The following CAST variants were observed in gnomAD, a reference collection of about 807,000 sequenced individuals.
CAST encodes calpastatin, also known as MIR583 host.
CAST carries 76 observed loss-of-function variants against 119.6 expected under a neutral mutation model. The observed-to-expected ratio is 0.64, with a 90% CI of 0.53 to 0.77. CAST has a LOEUF of 0.77. Among genes scored for constraint, CAST ranks in the 30% least tolerant of loss-of-function variants. The pLI is 0.00. For missense variants in CAST, 953 were observed against 946.5 expected (o/e 1.01, Z -0.09); for synonymous variants, 319 against 331.6 (o/e 0.96, Z 0.41).
chr5:96,443,038 T>A, the CAST span, among the ~76,000 whole-genome samples: 3 of 152,184 alleles, frequency 2.0e-5, no homozygotes, highest in Non-Finnish European at 4.4e-5. Context: ...GCTCTATTAT[T>A]ATCTCTTCAG....
At chr5:96,412,949 C>T in the CAST span, 2 of 1,025,540 alleles carry the variant, frequency 2.0e-6, no homozygotes, top group African/African-American at 3.5e-5. Flanking sequence ...TCCAAGCAGC[C>T]CTCTGGTGAT....
chr5:96,616,065 G>T (rs756690230), intron 1 of CAST, among the ~76,000 whole-genome samples: 1 of 150,094 alleles, frequency 6.7e-6, no homozygotes, highest in East Asian at 1.9e-4. Context: ...TGGCCATGCC[G>T]GCAGCTGATT....
At chr5:96,546,072 T>G (rs1423115870) in intron 1 of CAST, among the ~76,000 whole-genome samples, 1 of 152,226 alleles carries the variant, frequency 6.6e-6, no homozygotes, top group Non-Finnish European at 1.5e-5. Flanking sequence ...ATTTACTGCT[T>G]AAAGTTCTGC....
At chr5:96,068,054 G>T in the CAST span, among the ~76,000 whole-genome samples, 1 of 152,158 alleles carries the variant, frequency 6.6e-6, no homozygotes, top group Admixed American at 6.5e-5. Flanking sequence ...GTCAGGGAGA[G>T]AGTGTGAGGG....
chr5:96,505,311 G>A, the CAST span, among the ~76,000 whole-genome samples: 6 of 152,026 alleles, frequency 3.9e-5, no homozygotes, highest in African/African-American at 1.2e-4. Flanking sequence ...AGAATCATGA[G>A]CAATAAAAGT....
At chr5:96,423,491 A>C in the CAST span, 1 of 1,610,544 alleles carries the variant, frequency 6.2e-7, no homozygotes, top group Non-Finnish European at 8.5e-7. Flanking sequence ...GCATTGATAA[A>C]ATTATCATTT....
chr5:95,994,493 C>A, the CAST span, among the ~76,000 whole-genome samples: 1 of 151,728 alleles, frequency 6.6e-6, no homozygotes, highest in Non-Finnish European at 1.5e-5. Context: ...AGGATCAGTG[C>A]AAAGAGGAAA....
At chr5:96,683,789 TA>T (rs1233173724) in intron 2 of CAST, among the ~76,000 whole-genome samples, 2 of 152,252 alleles carry the variant, frequency 1.3e-5, no homozygotes, top group African/African-American at 4.8e-5. Context: ...TGCATGAATT[TA>T]AGTTCAAAGC....
the CAST span, among the ~76,000 whole-genome samples, chr5:95,997,420 G>T: frequency 6.6e-6 from 1 of 152,106 alleles, no homozygotes; most frequent in Non-Finnish European, 1.5e-5. Context: ...ATTAGATATT[G>T]ATGATGTGGA....
At chr5:96,341,777 C>T in the CAST span, among the ~76,000 whole-genome samples, 19 of 152,258 alleles carry the variant, frequency 1.2e-4, no homozygotes, top group East Asian at 1.5e-3. Flanking sequence ...GAACCTACCA[C>T]GGCACTGAGC....
At position 96,606,883 on chromosome 5, in the gene CAST, C is replaced by T. The variant is rs148781885; in HGVS notation, c.61-68656C>T. 1.6e-4 allele frequency among the ~76,000 whole-genome samples: 25 copies of T among 152,300 alleles called. No homozygotes were observed. The East Asian group carries it at 4.0e-3, about 25-fold the overall frequency. On this transcript the variant is annotated intron_variant, in intron 1 of 11. Coordinates refer to the CAST transcript ENST00000505143. ...ATGTATTAGAAGTGTGTTAGAAATG[C>T]AAAAGCCTTGGGGCCCTCCCCAGGC...
At chr5:96,425,056 GAAAGAAAGAA>G in the CAST span, among the ~76,000 whole-genome samples, 20 of 120,526 alleles carry the variant, frequency 1.7e-4, no homozygotes, top group African/African-American at 5.7e-4. Flanking sequence ...AAGAAAGAAA[GAAAGAAAGAA>G]AGAAAGAAAA....
the CAST span, among the ~76,000 whole-genome samples, chr5:96,176,692 A>C: frequency 1.3e-5 from 2 of 152,256 alleles, no homozygotes; most frequent in African/African-American, 4.8e-5. Context: ...AAAGTTTGTC[A>C]GTCACAAGGA....
At chr5:96,168,343 G>A in the CAST span, among the ~76,000 whole-genome samples, 1 of 152,176 alleles carries the variant, frequency 6.6e-6, no homozygotes, top group Admixed American at 6.5e-5. Flanking sequence ...CTTGAGAAGT[G>A]TTTTTATTAA....
upstream of CAST, among the ~76,000 whole-genome samples, chr5:96,527,523 A>T (rs1745615504): frequency 6.6e-6 from 1 of 152,114 alleles, no homozygotes; most frequent in African/African-American, 2.4e-5. Context: ...AGTTCAGTAA[A>T]TCCCTGTCTA....
At chr5:96,202,596 A>G in the CAST span, among the ~76,000 whole-genome samples, 1 of 152,132 alleles carries the variant, frequency 6.6e-6, no homozygotes. Flanking sequence ...CTTTCTGAAG[A>G]CAAAATTATT....
the CAST span, among the ~76,000 whole-genome samples, chr5:96,012,317 G>GT: frequency 0.02 from 2,984 of 146,400 alleles, 80 homozygotes; most frequent in African/African-American, 0.066. Flanking sequence ...TACTTCTTAA[G>GT]TTTTTTTTTT....
chr5:96,744,864 C>T (rs1763426297), intron 16 of CAST, among the ~76,000 whole-genome samples: 1 of 152,190 alleles, frequency 6.6e-6, no homozygotes, highest in African/African-American at 2.4e-5. Flanking sequence ...CATCATCTAC[C>T]ATAACATAAA....
chr5:96,017,689 G>T, the CAST span, among the ~76,000 whole-genome samples: 28 of 152,058 alleles, frequency 1.8e-4, no homozygotes, highest in African/African-American at 6.3e-4. Context: ...AAAGACTGAG[G>T]AAATGAGATA....
Sources: gnomAD v4.1 joint callset for allele counts (sites outside exome capture counted in the v4.1 genomes callset) on GRCh38, gnomAD v4.1.1 for gene constraint, MANE v1.5 for transcripts, NCBI Gene and HGNC (gene_info 2026-07-23, HGNC 2026-07-21) for gene names.